Variants in KHDRBS2 observed in about 807,000 individuals in gnomAD.
KHDRBS2 encodes the protein KH RNA binding domain containing, signal transduction associated 2.
In KHDRBS2, 26 loss-of-function variants were observed where a neutral mutation model predicts 44.3. The ratio of observed to expected loss-of-function variants is 0.59; its 90% CI spans 0.43 to 0.81. The LOEUF is 0.81. Ranked by LOEUF, KHDRBS2 falls within the 40% of genes least tolerant of loss-of-function variation. KHDRBS2 has a pLI of 0.00. For missense variants in KHDRBS2, 476 were observed against 433.1 expected (o/e 1.10, Z -0.88); for synonymous variants, 194 against 151.1 (o/e 1.28, Z -2.08).
chr6:62,107,668 G>A (rs1488646523), intron 2 of KHDRBS2, among the ~76,000 whole-genome samples: 2 of 152,146 alleles, frequency 1.3e-5, no homozygotes, highest in Non-Finnish European at 2.9e-5. Flanking sequence ...AAAGCTGGAG[G>A]CATCATGCTA....
chr6:61,607,531 A>AAAAAAAAAAAAAAAAAAAAAAG, the KHDRBS2 span, among the ~76,000 whole-genome samples: 1 of 146,004 alleles, frequency 6.8e-6, no homozygotes, highest in Non-Finnish European at 1.5e-5. Context: ...AAAAAAAAAA[A>AAAAAAAAAAAAAAAAAAAAAAG]AAAAAAAAAA....
At chr6:61,976,529 T>A (rs1192430) in intron 4 of KHDRBS2, among the ~76,000 whole-genome samples, 103,738 of 151,910 alleles carry the variant, frequency 0.68, 35,958 homozygotes, top group African/African-American at 0.82. Context: ...AATCATCCCT[T>A]GATATTTCTA....
intron 3 of KHDRBS2, among the ~76,000 whole-genome samples, chr6:62,000,747 T>G (rs754929974): frequency 3.0e-4 from 46 of 152,142 alleles, no homozygotes; most frequent in Non-Finnish European, 5.3e-4. Context: ...AGAGGCGGTC[T>G]CATGAGGTTC....
rs556910354 is a variant in KHDRBS2, at chr6:62,183,961, A to C, written c.92-6649T>G. On this transcript the variant is annotated intron_variant, in intron 1 of 8. Coordinates refer to ENST00000281156, the MANE Select transcript of KHDRBS2 (RefSeq NM_152688.4). ...ATGGAACACGGACAACTTATATTTA[A>C]ATAATATCACCAAGTAAAGTTTATA... Among the ~76,000 whole-genome samples the C allele has an allele frequency of 7.0e-4, 106 of 151,826 alleles. 2 individuals are homozygous for C. In the South Asian group the frequency reaches 0.021, roughly 31 times the overall value.
At chr6:61,901,187 C>T (rs778892213) in intron 5 of KHDRBS2, 57 bp downstream of exon 5, 3 of 1,560,942 alleles carry the variant, frequency 1.9e-6, no homozygotes, top group Non-Finnish European at 2.6e-6. Context: ...TGACATAAAG[C>T]AGGACAAAAA....
At chr6:62,229,571 A>C (rs1832549765) in intron 1 of KHDRBS2, among the ~76,000 whole-genome samples, 1 of 152,154 alleles carries the variant, frequency 6.6e-6, no homozygotes, top group Non-Finnish European at 1.5e-5. Context: ...TGCAGATTCT[A>C]GCTTAGTGGC....
chr6:62,026,439 T>TTA (rs199580381), intron 3 of KHDRBS2, among the ~76,000 whole-genome samples: 25 of 96,654 alleles, frequency 2.6e-4, no homozygotes, highest in African/African-American at 6.1e-4. Context: ...ATTATTATTA[T>TTA]TTTTTTTTTT....
chr6:61,857,773 A>T (rs956083957), intron 6 of KHDRBS2, among the ~76,000 whole-genome samples: 9 of 151,648 alleles, frequency 5.9e-5, no homozygotes, highest in African/African-American at 1.9e-4. Flanking sequence ...ATTCGTGGCA[A>T]CTCCTGCTCT....
At chr6:62,211,658 C>T (rs28483453) in intron 1 of KHDRBS2, among the ~76,000 whole-genome samples, 26,321 of 152,036 alleles carry the variant, frequency 0.17, 2,932 homozygotes, top group Non-Finnish European at 0.22. Context: ...GTTTGTTTCA[C>T]GGCACTTGCA....
At chr6:61,855,185 C>A (rs1435227648) in intron 6 of KHDRBS2, among the ~76,000 whole-genome samples, 3 of 151,998 alleles carry the variant, frequency 2.0e-5, no homozygotes, top group Non-Finnish European at 2.9e-5. Flanking sequence ...CATGCCATAT[C>A]CTTTGTAAAT....
the KHDRBS2 span, among the ~76,000 whole-genome samples, chr6:61,570,758 C>A: frequency 6.6e-6 from 1 of 152,070 alleles, no homozygotes; most frequent in Non-Finnish European, 1.5e-5. Context: ...GGATTGGGGT[C>A]CCATCTTTAG....
intron 4 of KHDRBS2, among the ~76,000 whole-genome samples, chr6:61,969,565 A>C (rs1770876091): frequency 6.6e-6 from 1 of 152,052 alleles, no homozygotes; most frequent in African/African-American, 2.4e-5. Flanking sequence ...TTCACTTATA[A>C]AATCATTTTC....
chr6:62,101,406 C>G (rs1341321082), intron 2 of KHDRBS2, among the ~76,000 whole-genome samples: 1 of 151,910 alleles, frequency 6.6e-6, no homozygotes, highest in Non-Finnish European at 1.5e-5. Flanking sequence ...ATGGAGACCT[C>G]CACAGGATTT....
At chr6:61,872,072 C>T (rs1352700488) in intron 6 of KHDRBS2, among the ~76,000 whole-genome samples, 1 of 151,836 alleles carries the variant, frequency 6.6e-6, no homozygotes, top group Non-Finnish European at 1.5e-5. Context: ...TGTACATATA[C>T]CCCAGAACTT....
chr6:62,259,539 T>C (rs887453471), intron 1 of KHDRBS2, among the ~76,000 whole-genome samples: 1 of 152,000 alleles, frequency 6.6e-6, no homozygotes, highest in Non-Finnish European at 1.5e-5. Context: ...TAAATAATAG[T>C]AGTTTCTCAA....
At chr6:61,580,346 T>A in the KHDRBS2 span, among the ~76,000 whole-genome samples, 3 of 152,084 alleles carry the variant, frequency 2.0e-5, no homozygotes, top group Non-Finnish European at 2.9e-5. Context: ...AAGGCAACAA[T>A]CAGCACTCTG....
At chr6:62,080,879 CTAT>C (rs1797257950) in intron 2 of KHDRBS2, among the ~76,000 whole-genome samples, 1 of 152,062 alleles carries the variant, frequency 6.6e-6, no homozygotes, top group South Asian at 2.1e-4. Context: ...TTAGGTTCCT[CTAT>C]TATTAGAGTA....
the KHDRBS2 span, among the ~76,000 whole-genome samples, chr6:61,643,076 A>G: frequency 6.6e-6 from 1 of 152,182 alleles, no homozygotes; most frequent in Non-Finnish European, 1.5e-5. Context: ...ATGTATACAT[A>G]TATATTCTGA....
At chr6:61,914,988 G>T (rs1806736200) in intron 4 of KHDRBS2, among the ~76,000 whole-genome samples, 1 of 152,120 alleles carries the variant, frequency 6.6e-6, no homozygotes, top group South Asian at 2.1e-4. Context: ...TTAGAAGATA[G>T]TTGTGACAAT....
Sources: allele counts gnomAD v4.1 joint callset (sites outside exome capture counted in the v4.1 genomes callset), GRCh38; gene constraint gnomAD v4.1.1; transcripts MANE v1.5; gene names NCBI Gene and HGNC (gene_info 2026-07-23, HGNC 2026-07-21).